Variants in INVS observed in about 807,000 individuals in gnomAD.
The protein encoded by INVS is inversin, also known as inversion of embryo turning homolog.
Under a neutral mutation model 108.8 loss-of-function variants are expected in INVS, and 86 were observed. That is an observed-to-expected ratio of 0.79 (90% CI 0.66 to 0.95). The LOEUF (loss-of-function observed/expected upper bound fraction) is 0.95. Ranked by LOEUF, INVS falls within the 40% of genes least tolerant of loss-of-function variation. The probability of loss-of-function intolerance (pLI) is 0.00; values close to 1 mark genes in which losing one functional copy is unlikely to be tolerated. For synonymous variants in INVS, 455 were observed against 473.5 expected (o/e 0.96, Z 0.51); for missense variants, 1,169 against 1,297.4 (o/e 0.90, Z 1.52).
intron 4 of INVS, among the ~76,000 whole-genome samples, chr9:100,227,657 G>C (rs1370527077): frequency 6.6e-6 from 1 of 151,722 alleles, no homozygotes; most frequent in Non-Finnish European, 1.5e-5. Context: ...GACAGAGCCA[G>C]GGAAGGCCAT....
intron 12 of INVS, among the ~76,000 whole-genome samples, chr9:100,277,650 C>G (rs1233797894): frequency 6.6e-6 from 1 of 152,168 alleles, no homozygotes; most frequent in African/African-American, 2.4e-5. Flanking sequence ...ACAAAAACCA[C>G]TGGACTAAAT....
chr9:100,204,646 AAGG>A (rs1315557065), intron 3 of INVS, among the ~76,000 whole-genome samples: 7 of 152,140 alleles, frequency 4.6e-5, no homozygotes, highest in Non-Finnish European at 1.0e-4. Context: ...TGCTAATCCC[AAGG>A]TGATCACAAA....
chr9:100,140,009 A>G (rs1427126145), intron 3 of INVS, among the ~76,000 whole-genome samples: 2 of 152,106 alleles, frequency 1.3e-5, no homozygotes, highest in African/African-American at 4.8e-5. Context: ...TGCAACCACT[A>G]CCTCTATCTA....
rs555926219 is a variant in INVS, at chr9:100,181,189, A to C, written c.274-44873A>C. ...CCAATGTCATACTGAATGGGCAAAAACTGGAAGCATTCCCTTTGAAAACTG... is the reference window on the plus strand; with the variant it reads ...CCAATGTCATACTGAATGGGCAAAACCTGGAAGCATTCCCTTTGAAAACTG... On this transcript the variant is annotated intron_variant, in intron 3 of 16. Coordinates refer to ENST00000262457, the MANE Select transcript of INVS (RefSeq NM_014425.5). Among the ~76,000 whole-genome samples the C allele has an allele frequency of 7.2e-5, 11 of 152,274 alleles. No homozygotes were observed. In the East Asian group the frequency reaches 2.1e-3, roughly 29 times the overall value.
intron 10 of INVS, among the ~76,000 whole-genome samples, chr9:100,255,416 G>C (rs1832385358): frequency 1.3e-5 from 2 of 152,240 alleles, no homozygotes; most frequent in South Asian, 2.1e-4. Context: ...TCTTTCTCCT[G>C]CCTGATTGCC....
At chr9:100,129,534 C>G (rs1445819459) in intron 3 of INVS, 2 of 454,774 alleles carry the variant, frequency 4.4e-6, no homozygotes, top group Non-Finnish European at 8.0e-6. Context: ...TTTAAAAAAA[C>G]AAGGAATCAG....
chr9:100,158,908 C>A (rs1006651002), intron 3 of INVS, among the ~76,000 whole-genome samples: 1 of 152,050 alleles, frequency 6.6e-6, no homozygotes, highest in African/African-American at 2.4e-5. Flanking sequence ...TTTAGAAGAG[C>A]CTGGCATCCT....
intron 13 of INVS, among the ~76,000 whole-genome samples, chr9:100,287,763 G>A (rs1346426861): frequency 2.6e-5 from 4 of 152,120 alleles, no homozygotes; most frequent in African/African-American, 7.2e-5. Flanking sequence ...ACTGTGAGTC[G>A]ATTAAACCTC....
intron 3 of INVS, among the ~76,000 whole-genome samples, chr9:100,158,784 A>T (rs1184761361): frequency 6.6e-6 from 1 of 152,188 alleles, no homozygotes; most frequent in Admixed American, 6.5e-5. Context: ...CAGTGGTTGG[A>T]AGAGGGGCCT....
intron 3 of INVS, among the ~76,000 whole-genome samples, chr9:100,163,990 T>C (rs1046351294): frequency 3.3e-5 from 5 of 152,200 alleles, no homozygotes; most frequent in African/African-American, 1.2e-4. Flanking sequence ...GTGTTGAGGA[T>C]GGACTGTCAA....
At chr9:100,158,754 C>T (rs846769) in intron 3 of INVS, among the ~76,000 whole-genome samples, 104,283 of 152,092 alleles carry the variant, frequency 0.69, 36,851 homozygotes, top group East Asian at 0.91. Context: ...CCTCCAAATC[C>T]CGCGTTGAAA....
chr9:100,283,641 C>T (rs1344486532), intron 12 of INVS, among the ~76,000 whole-genome samples: 1 of 152,156 alleles, frequency 6.6e-6, no homozygotes, highest in Non-Finnish European at 1.5e-5. Flanking sequence ...TAGACGGGCC[C>T]CTGCTCCCCA....
chr9:100,176,228 T>C (rs771889278), intron 3 of INVS, among the ~76,000 whole-genome samples: 1 of 152,150 alleles, frequency 6.6e-6, no homozygotes, highest in Non-Finnish European at 1.5e-5. Context: ...TGGGGTATGA[T>C]TGGAGCCAAA....
At chr9:100,120,192 T>C (rs1476038253) in intron 2 of INVS, among the ~76,000 whole-genome samples, 1 of 152,196 alleles carries the variant, frequency 6.6e-6, no homozygotes, top group Non-Finnish European at 1.5e-5. Context: ...TGGTGCTGCT[T>C]TGGGTTCAAA....
At chr9:100,202,056 C>G (rs910824988) in intron 3 of INVS, among the ~76,000 whole-genome samples, 1 of 150,334 alleles carries the variant, frequency 6.7e-6, no homozygotes, top group Non-Finnish European at 1.5e-5. Flanking sequence ...TTCCATTATT[C>G]TTCTGACTGG....
At position 100,236,442 on chromosome 9, in the gene INVS, T is replaced by A. The variant is rs1831689459; in HGVS notation, c.616-3618T>A. On this transcript the variant is annotated intron_variant, in intron 5 of 16. Coordinates refer to ENST00000262457, the MANE Select transcript of INVS (RefSeq NM_014425.5). ...TTTTGGAGGAGAAGAGGCATTCTGG[T>A]TTTTGGAATTTTCAGCATTTTTGCA... Among the ~76,000 whole-genome samples, 3 of 152,166 alleles carry A rather than the reference T, an allele frequency of 2.0e-5. No individual in the cohort carries two copies. In the East Asian group the frequency reaches 5.8e-4, roughly 29 times the overall value.
intron 4 of INVS, among the ~76,000 whole-genome samples, chr9:100,228,793 T>TA (rs1831418336): frequency 6.6e-6 from 1 of 152,338 alleles, no homozygotes; most frequent in African/African-American, 2.4e-5. Context: ...TTTAAAAACA[T>TA]ACTTGTCTCC....
At chr9:100,263,400 A>AT (rs1489833828) in intron 10 of INVS, among the ~76,000 whole-genome samples, 1 of 152,112 alleles carries the variant, frequency 6.6e-6, no homozygotes, top group African/African-American at 2.4e-5. Flanking sequence ...GAGAGGATCC[A>AT]TTTTTTTAAT....
rs553555865 is a variant in INVS at position 100,301,817 on chromosome 9, C to T, written c.*1143C>T. Reference sequence around the variant, plus strand: ...TTGGTTTTTAGTTTACTAATTATTACATTCATCGTTTTTGTGATCACAAAA... The same window carrying T: ...TTGGTTTTTAGTTTACTAATTATTATATTCATCGTTTTTGTGATCACAAAA... On this transcript the variant is annotated 3_prime_UTR_variant, in exon 17 of 17. Coordinates refer to ENST00000262457, the MANE Select transcript of INVS (RefSeq NM_014425.5). 5.3e-5 allele frequency among the ~76,000 whole-genome samples: 8 copies of T among 152,242 alleles called. No homozygotes were observed. In the South Asian group the frequency reaches 1.7e-3, roughly 32 times the overall value.
Sources: allele counts gnomAD v4.1 joint callset (sites outside exome capture counted in the v4.1 genomes callset), GRCh38; gene constraint gnomAD v4.1.1; transcripts MANE v1.5; gene names NCBI Gene and HGNC (gene_info 2026-07-23, HGNC 2026-07-21).